The following NIPSNAP3A variants were observed in gnomAD, a reference collection of about 807,000 sequenced individuals.
The protein encoded by NIPSNAP3A is nipsnap homolog 3A, also known as protein NipSnap homolog 3A.
In NIPSNAP3A, 27 loss-of-function variants were observed where a neutral mutation model predicts 32.3. The observed-to-expected ratio is 0.84, with a 90% CI of 0.62 to 1.15. The LOEUF (loss-of-function observed/expected upper bound fraction) is 1.15, where lower values mean the gene tolerates loss of function less well. Ranked by LOEUF, NIPSNAP3A falls within the 50% of genes most tolerant of loss-of-function variation. The probability of loss-of-function intolerance (pLI) is 0.00; values close to 1 mark genes in which losing one functional copy is unlikely to be tolerated. For synonymous variants in NIPSNAP3A, 108 were observed against 107.3 expected (o/e 1.01, Z -0.04); for missense variants, 278 against 297.2 (o/e 0.94, Z 0.48).
chr9:104,752,795 C>A, intron 2 of NIPSNAP3A, 111 bp from the exon 3 acceptor site: 1 of 912,206 alleles, frequency 1.1e-6, no homozygotes, highest in Non-Finnish European at 1.7e-6. Flanking sequence ...AGGCCTAACA[C>A]AAGGTTCTTA....
At position 104,754,611 on chromosome 9, in the gene NIPSNAP3A, C is replaced by T. The variant is rs367612536; in HGVS notation, c.491C>T (p.Ala164Val). ...KPGGPALWGD[A>V]FKRAVHAHVN... ...GGTGGGCCAGCTCTGTGGGGTGATGCATTTAAAAGGGCAGTTCATGCTCAT... is the reference window on the plus strand; with the variant it reads ...GGTGGGCCAGCTCTGTGGGGTGATGTATTTAAAAGGGCAGTTCATGCTCAT... The change falls in exon 4 of 6, where the codon GCA becomes GTA. Residue 164 changes from alanine to valine, a missense_variant. By Grantham distance (64) the Ala-to-Val change is moderately conservative (BLOSUM62 0). Coordinates refer to ENST00000374767, the MANE Select transcript of NIPSNAP3A (RefSeq NM_015469.3). 7 of 1,613,778 alleles carry T rather than the reference C, an allele frequency of 4.3e-6. No individual in the cohort carries two copies. In the African/African-American group the frequency reaches 5.3e-5, roughly 12 times the overall value.
Position 104,759,610 on chromosome 9 carries a change from T to A in NIPSNAP3A, c.*272T>A. ...TCTTGACTCTTCATTTGTTTCAGAATAGCTCTTCTACTGTATTCTGACAAC... is the reference window on the plus strand; with the variant it reads ...TCTTGACTCTTCATTTGTTTCAGAAAAGCTCTTCTACTGTATTCTGACAAC... On this transcript the variant is annotated 3_prime_UTR_variant, in exon 6 of 6. Coordinates refer to ENST00000374767, the MANE Select transcript of NIPSNAP3A (RefSeq NM_015469.3). 1 of 427,824 alleles carries A rather than the reference T, an allele frequency of 2.3e-6. No homozygotes were observed. The highest frequency in any genetic ancestry group is 2.3e-5 in the South Asian group (1 of 42,958). The allele number at this position is 427,824 out of a possible 1,614,324, so 26.5% of individuals were successfully genotyped here.
At chr9:104,752,848 A>C in intron 2 of NIPSNAP3A, 58 bp from the exon 3 acceptor site, 1 of 1,440,904 alleles carries the variant, frequency 6.9e-7, no homozygotes, top group Non-Finnish European at 9.7e-7. Flanking sequence ...AAACCCAGAA[A>C]AGTACAGGTG....
At chr9:104,752,866 A>G in intron 2 of NIPSNAP3A, 40 bp from the exon 3 acceptor site, 15 of 1,559,096 alleles carry the variant, frequency 9.6e-6, no homozygotes, top group Non-Finnish European at 1.3e-5. Context: ...GTGATTTAAA[A>G]TTGAATTTTT....
In NIPSNAP3A at chr9:104,759,609, A is replaced by G. The variant is rs1827949581; in HGVS notation, c.*271A>G. On this transcript the variant is annotated 3_prime_UTR_variant, in exon 6 of 6. Transcript: ENST00000374767. The stretch of plus-strand genomic sequence containing the variant: ...ATCTTGACTCTTCATTTGTTTCAGA[A>G]TAGCTCTTCTACTGTATTCTGACAA... 2.3e-6 allele frequency: 1 copy of G among 432,552 alleles called. No homozygotes were observed. The highest frequency in any genetic ancestry group is 2.3e-5 in the South Asian group (1 of 42,962). 26.8% of individuals were successfully genotyped at this position (432,552 alleles called of 1,614,324 possible).
At position 104,759,012 on chromosome 9, in the gene NIPSNAP3A, G is replaced by C. The variant is rs1827941203; in HGVS notation, c.581-73G>C. The C allele has an allele frequency of 4.3e-6, 4 of 933,808 alleles. No individual in the cohort carries two copies. In the Admixed American group the frequency reaches 8.2e-5, roughly 19 times the overall value. The allele number at this position is 933,808 out of a possible 1,614,324, so 57.8% of individuals were successfully genotyped here. ...AAAAAAAAAAGAATAGGATGGGTTT[G>C]ATTCATTTTTCTGTTATTTCTTATT... On this transcript the variant is annotated intron_variant, in intron 4 of 5. Coordinates refer to ENST00000374767, the MANE Select transcript of NIPSNAP3A (RefSeq NM_015469.3).
intron 1 of NIPSNAP3A, among the ~76,000 whole-genome samples, chr9:104,749,253 C>G (rs952652221): frequency 6.6e-6 from 1 of 152,054 alleles, no homozygotes; most frequent in Non-Finnish European, 1.5e-5. Context: ...AACATTGTTA[C>G]TAGAGTTTGG....
chr9:104,753,279 CTTGCAGAT>C (rs1391698335), intron 3 of NIPSNAP3A, among the ~76,000 whole-genome samples: 1 of 152,026 alleles, frequency 6.6e-6, no homozygotes, highest in Non-Finnish European at 1.5e-5. Flanking sequence ...AAATTGAGAC[CTTGCAGAT>C]TTGTAAAGCT....
At position 104,759,605 on chromosome 9, in the gene NIPSNAP3A, C is replaced by T; in HGVS notation, c.*267C>T. On this transcript the variant is annotated 3_prime_UTR_variant, in exon 6 of 6. Transcript: ENST00000374767. The stretch of plus-strand genomic sequence containing the variant: ...TAAGATCTTGACTCTTCATTTGTTT[C>T]AGAATAGCTCTTCTACTGTATTCTG... The T allele has an allele frequency of 4.6e-6, 2 of 437,798 alleles. No homozygotes were observed. The highest frequency in any genetic ancestry group is 8.4e-6 in the Non-Finnish European group (2 of 238,860). The allele number at this position is 437,798 out of a possible 1,614,324, so 27.1% of individuals were successfully genotyped here.
rs1470421807 is a variant in NIPSNAP3A, at chr9:104,747,715, C to G, written c.-78C>G. ...GTCTGCCAATGATCCAGGAGCCGCT[C>G]CTTTCCACTCGGGAAACCTTCAGAG... On this transcript the variant is annotated 5_prime_UTR_variant, in exon 1 of 6. Coordinates refer to ENST00000374767, the MANE Select transcript of NIPSNAP3A (RefSeq NM_015469.3). 1 of 1,437,924 alleles carries G rather than the reference C, an allele frequency of 7.0e-7. No individual in the cohort carries two copies. The highest frequency in any genetic ancestry group is 1.9e-5 in the Admixed American group (1 of 51,480). 89.1% of individuals were successfully genotyped at this position (1,437,924 alleles called of 1,614,324 possible). A position where few individuals can be genotyped will look rare whatever the true frequency, so the allele number is the denominator to read the frequency against.
At chr9:104,750,683 A>C (rs1273502302) in intron 1 of NIPSNAP3A, among the ~76,000 whole-genome samples, 1 of 152,022 alleles carries the variant, frequency 6.6e-6, no homozygotes, top group Non-Finnish European at 1.5e-5. Context: ...GCTCAGGCCC[A>C]CTCCTACCCT....
At chr9:104,750,352 T>G (rs1158965968) in intron 1 of NIPSNAP3A, among the ~76,000 whole-genome samples, 2 of 152,186 alleles carry the variant, frequency 1.3e-5, no homozygotes, top group Admixed American at 1.3e-4. Flanking sequence ...GAACCCCCAC[T>G]AGGAAACAGT....
intron 4 of NIPSNAP3A, among the ~76,000 whole-genome samples, chr9:104,756,255 T>C (rs1160115166): frequency 1.3e-5 from 2 of 152,118 alleles, no homozygotes; most frequent in African/African-American, 4.8e-5. Flanking sequence ...TTCATAAAAT[T>C]GGTAAAACAA....
chr9:104,758,910 C>T (rs948675119), intron 4 of NIPSNAP3A, among the ~76,000 whole-genome samples, 175 bp from the exon 5 acceptor site: 1 of 132,108 alleles, frequency 7.6e-6, no homozygotes, highest in Non-Finnish European at 1.5e-5. Context: ...GCAGATGTTG[C>T]AGTGAGCCGA....
In NIPSNAP3A at chr9:104,750,937, TTTGTC is replaced by T. The variant is rs1213523845; in HGVS notation, c.61-16_61-12del. 6 of 1,562,786 alleles carry T rather than the reference TTTGTC, an allele frequency of 3.8e-6. No homozygotes were observed. In the African/African-American group the frequency reaches 8.1e-5, roughly 21 times the overall value. ...ATCCTGTCTTCTCAAGATATTTACATTTGTCTTATCTTCTTCAGATGTGCTCATCT... is the reference window on the plus strand; with the variant it reads ...ATCCTGTCTTCTCAAGATATTTACATTTATCTTCTTCAGATGTGCTCATCT... On this transcript the variant is annotated splice_polypyrimidine_tract_variant and intron_variant, in intron 1 of 5. Coordinates refer to ENST00000374767, the MANE Select transcript of NIPSNAP3A (RefSeq NM_015469.3).
At chr9:104,748,455 A>G (rs201372236) in intron 1 of NIPSNAP3A, among the ~76,000 whole-genome samples, 2 of 152,164 alleles carry the variant, frequency 1.3e-5, no homozygotes, top group African/African-American at 4.8e-5. Context: ...TCCCCCAACC[A>G]GGCGGGACCG....
intron 3 of NIPSNAP3A, among the ~76,000 whole-genome samples, chr9:104,753,341 GA>G (rs1310985282): frequency 6.6e-6 from 1 of 152,212 alleles, no homozygotes; most frequent in Non-Finnish European, 1.5e-5. Context: ...TAGAGGTTGA[GA>G]ATTTGTGCAT....
rs1398700901 is a variant in NIPSNAP3A, at chr9:104,747,713, C to A, written c.-80C>A. ...GCGTCTGCCAATGATCCAGGAGCCG[C>A]TCCTTTCCACTCGGGAAACCTTCAG... On this transcript the variant is annotated 5_prime_UTR_variant, in exon 1 of 6. Transcript: ENST00000374767. 2.1e-6 allele frequency: 3 copies of A among 1,423,696 alleles called. No individual in the cohort carries two copies. Among genetic ancestry groups the A allele is most frequent in the South Asian group, 1.2e-5 (1 of 81,968 alleles). 88.2% of individuals were successfully genotyped at this position (1,423,696 alleles called of 1,614,324 possible).
In NIPSNAP3A at chr9:104,751,009, A is replaced by G. The variant is rs1204943091; in HGVS notation, c.114A>G (p.Glu38=). The change falls in exon 2 of 6, where the codon GAA becomes GAG. Residue 38 remains glutamate, a synonymous_variant. Transcript: ENST00000374767. The part of the protein sequence containing the change: ...GPRQYDGIFY[E]FRSYYLKPSK... Reference sequence around the variant, plus strand: ...GACAATACGATGGAATATTCTATGAATTTCGTTCTTATTACCTTAAGCCCT... The same window carrying G: ...GACAATACGATGGAATATTCTATGAGTTTCGTTCTTATTACCTTAAGCCCT... The G allele has an allele frequency of 1.2e-6, 2 of 1,614,030 alleles. No individual in the cohort carries two copies. The highest frequency in any genetic ancestry group is 1.7e-6 in the Non-Finnish European group (2 of 1,179,928).
Sources: gnomAD v4.1 joint callset for allele counts (sites outside exome capture counted in the v4.1 genomes callset) on GRCh38, gnomAD v4.1.1 for gene constraint, MANE v1.5 for transcripts, NCBI Gene and HGNC (gene_info 2026-07-23, HGNC 2026-07-21) for gene names.